ROBO2: variants seen among roughly 807,000 people sequenced by gnomAD.
ROBO2 encodes the protein roundabout guidance receptor 2.
A neutral mutation model predicts 160.8 loss-of-function variants in ROBO2; 53 were observed. The ratio of observed to expected loss-of-function variants is 0.33; its 90% CI spans 0.26 to 0.41. The LOEUF (loss-of-function observed/expected upper bound fraction) is 0.41. ROBO2 is among the 10% of genes least tolerant of loss of function. The pLI is 1.00. For missense variants in ROBO2, 1,577 were observed against 1,722.4 expected (o/e 0.92, Z 1.49); for synonymous variants, 664 against 611.7 (o/e 1.09, Z -1.26).
At chr3:77,277,261 C>T (rs933443226) in intron 2 of ROBO2, among the ~76,000 whole-genome samples, 6 of 143,934 alleles carry the variant, frequency 4.2e-5, no homozygotes, top group African/African-American at 1.6e-4. Context: ...TCTTGTCTTT[C>T]TGTCTTTCTT....
chr3:76,008,980 G>A (rs2066113451), intron 2 of ROBO2, among the ~76,000 whole-genome samples: 1 of 152,082 alleles, frequency 6.6e-6, no homozygotes, highest in Non-Finnish European at 1.5e-5. Context: ...GTAATACGCT[G>A]GGGGAACTTA....
chr3:77,344,940 G>A (rs1019508196), intron 2 of ROBO2, among the ~76,000 whole-genome samples: 1 of 151,900 alleles, frequency 6.6e-6, no homozygotes, highest in African/African-American at 2.4e-5. Context: ...AATTCTTGAA[G>A]GGAATTGCAT....
rs567005487 is a variant in ROBO2 at position 77,360,309 on chromosome 3, G to T, written c.389-117105G>T. On this transcript the variant is annotated intron_variant, in intron 2 of 25. Coordinates refer to ENST00000461745, the Ensembl canonical transcript of ROBO2. The stretch of plus-strand genomic sequence containing the variant: ...ATTTATTCTACCCATAAGTAGCAAT[G>T]AATTTGACACTTGAAGAAAGTTATT... Among the ~76,000 whole-genome samples the T allele has an allele frequency of 3.5e-3, 527 of 151,002 alleles. 5 individuals are homozygous for T. The highest frequency in any genetic ancestry group is 0.012 in the African/African-American group (511 of 41,134).
At chr3:76,990,402 G>A (rs1477581049) in intron 2 of ROBO2, among the ~76,000 whole-genome samples, 1 of 152,070 alleles carries the variant, frequency 6.6e-6, no homozygotes, top group Non-Finnish European at 1.5e-5. Context: ...CATGACTCTA[G>A]TTAGGAAATC....
chr3:76,321,710 CAG>C (rs1215224781), intron 2 of ROBO2, among the ~76,000 whole-genome samples: 2 of 152,146 alleles, frequency 1.3e-5, no homozygotes, highest in Admixed American at 6.5e-5. Flanking sequence ...AAAATAACAA[CAG>C]AGTCAGTTAA....
chr3:75,986,354 CT>C (rs1354321617), intron 2 of ROBO2, among the ~76,000 whole-genome samples: 2 of 151,532 alleles, frequency 1.3e-5, no homozygotes, highest in East Asian at 3.9e-4. Flanking sequence ...GGAGAAATGT[CT>C]TTGGAGAAAA....
intron 1 of ROBO2, among the ~76,000 whole-genome samples, chr3:77,080,933 G>A (rs764632098): frequency 2.0e-5 from 3 of 152,004 alleles, no homozygotes; most frequent in Admixed American, 6.6e-5. Flanking sequence ...TAAGGTATTC[G>A]CCGGAGTTGC....
At chr3:76,100,227 A>T (rs1177915116) in intron 2 of ROBO2, among the ~76,000 whole-genome samples, 1 of 152,214 alleles carries the variant, frequency 6.6e-6, no homozygotes, top group African/African-American at 2.4e-5. Flanking sequence ...TTATTTAGGG[A>T]TGCCGGTTGG....
chr3:77,587,192 C>T (rs1460621847), intron 16 of ROBO2, among the ~76,000 whole-genome samples: 1 of 152,054 alleles, frequency 6.6e-6, no homozygotes, highest in Non-Finnish European at 1.5e-5. Flanking sequence ...GCTTAACATC[C>T]TCCAACAGAT....
intron 2 of ROBO2, among the ~76,000 whole-genome samples, chr3:77,206,875 C>A (rs979881546): frequency 1.8e-4 from 27 of 152,112 alleles, no homozygotes; most frequent in Middle Eastern, 6.8e-3. Context: ...ATTCCAGAAT[C>A]CATTGATGAA....
intron 2 of ROBO2, among the ~76,000 whole-genome samples, chr3:76,213,859 C>G (rs534647498): frequency 6.6e-6 from 1 of 152,062 alleles, no homozygotes; most frequent in African/African-American, 2.4e-5. Context: ...CCCTATGCCA[C>G]CTGAATTTAT....
At chr3:77,126,716 T>A (rs113178341) in intron 2 of ROBO2, among the ~76,000 whole-genome samples, 1,414 of 137,490 alleles carry the variant, frequency 0.01, 28 homozygotes, top group African/African-American at 0.047. Flanking sequence ...ATATATATTT[T>A]TTTTCCTTTG....
intron 2 of ROBO2, among the ~76,000 whole-genome samples, chr3:76,194,371 T>TATAC (rs1702160608): frequency 8.2e-6 from 1 of 122,148 alleles, no homozygotes; most frequent in African/African-American, 3.4e-5. Flanking sequence ...TATATATATA[T>TATAC]ATATATATAT....
Position 76,618,460 on chromosome 3 carries a change from T to C in ROBO2, c.110-479554T>C, listed in dbSNP as rs151012399. On this transcript the variant is annotated intron_variant, in intron 2 of 26. Coordinates refer to the ROBO2 transcript ENST00000487694. ...GGATATATATATATAAATATATATA[T>C]AATCTCATACATATATCAGCAATTA... Among the ~76,000 whole-genome samples the C allele has an allele frequency of 9.7e-3, 1,466 of 150,414 alleles. 16 individuals carry two copies. The highest frequency in any genetic ancestry group is 0.015 in the Non-Finnish European group (983 of 67,770).
At chr3:76,681,681 AGT>A (rs763967264) in intron 2 of ROBO2, among the ~76,000 whole-genome samples, 9 of 152,128 alleles carry the variant, frequency 5.9e-5, no homozygotes, top group Non-Finnish European at 1.3e-4. Context: ...CAGACAAGAG[AGT>A]ATGGAGATTT....
intron 2 of ROBO2, among the ~76,000 whole-genome samples, chr3:76,015,388 A>G (rs934231830): frequency 6.6e-6 from 1 of 152,188 alleles, no homozygotes. Flanking sequence ...TGAAGCTGCA[A>G]ATTGAAAAAA....
At chr3:76,545,226 A>G (rs2083030694) in intron 2 of ROBO2, among the ~76,000 whole-genome samples, 1 of 152,012 alleles carries the variant, frequency 6.6e-6, no homozygotes, top group Admixed American at 6.6e-5. Flanking sequence ...CAATACGTGT[A>G]CAGTTTACAT....
chr3:77,362,232 A>G (rs1422293767), intron 2 of ROBO2, among the ~76,000 whole-genome samples: 1 of 152,126 alleles, frequency 6.6e-6, no homozygotes, highest in Non-Finnish European at 1.5e-5. Flanking sequence ...AGACATAGGG[A>G]CCATGAAAAT....
chr3:76,006,150 A>G (rs674040), intron 2 of ROBO2, among the ~76,000 whole-genome samples: 109,370 of 152,020 alleles, frequency 0.72, 41,908 homozygotes, highest in South Asian at 0.89. Flanking sequence ...TGAGAGTACT[A>G]TGTTTTCTTA....
Sources: gnomAD v4.1 joint callset for allele counts (sites outside exome capture counted in the v4.1 genomes callset) on GRCh38, gnomAD v4.1.1 for gene constraint, MANE v1.5 for transcripts, NCBI Gene and HGNC (gene_info 2026-07-23, HGNC 2026-07-21) for gene names.